MAGEA12: variants seen among roughly 807,000 people sequenced by gnomAD.
The protein encoded by MAGEA12 is MAGE family member A12, also known as melanoma-associated antigen 12.
For synonymous variants in MAGEA12, 135 were observed against 104.7 expected (o/e 1.29, Z -1.77); for missense variants, 235 against 240.1 (o/e 0.98, Z 0.14).
chrX:152,734,685 G>A (rs1932265482), intron 1 of MAGEA12, among the ~76,000 whole-genome samples: 1 of 111,923 alleles, frequency 8.9e-6, no homozygotes, highest in South Asian at 3.7e-4. Flanking sequence ...TGTGCCCCAT[G>A]CTCATTGCGA....
rs1179587065 is a variant in MAGEA12 at position 152,736,686 on chromosome X, G to A, written c.525G>A (p.Leu175=). 8.3e-7 allele frequency: 1 copy of A among 1,212,067 alleles called. No individual in the cohort carries two copies. The highest frequency in any genetic ancestry group is 3.0e-5 in the East Asian group (1 of 33,845). The change falls in exon 3 of 3, where the codon TTG becomes TTA. Residue 175 remains leucine (L), a synonymous_variant. Coordinates refer to ENST00000393869, the MANE Select transcript of MAGEA12 (RefSeq NM_001166387.4). ...TGGAAGTGGTCCGCATCGGCCACTT[G>A]TACATCCTTGTCACCTGCCTGGGCC... ...EVVEVVRIGH[L]YILVTCLGLS...
chrX:152,736,734 C>T lies in MAGEA12; in HGVS notation c.573C>T (p.Gly191=), dbSNP rs148706261. Residue 191 remains glycine (G), a synonymous_variant, in exon 3 of 3, where the codon GGC becomes GGT. Coordinates refer to ENST00000393869, the MANE Select transcript of MAGEA12 (RefSeq NM_001166387.4). ...CLGLSYDGLL[G]DNQIVPKTGL... The stretch of plus-strand genomic sequence containing the variant: ...GCCTCTCCTACGATGGCCTGCTGGG[C>T]GACAATCAGATCGTGCCCAAGACAG... 1.8e-3 allele frequency: 2,229 copies of T among 1,210,218 alleles called. 4 individuals are homozygous for T. Among genetic ancestry groups the T allele is most frequent in the African/African-American group, 4.9e-3 (283 of 57,216 alleles).
chrX:152,735,102 T>A (rs1256984276), intron 1 of MAGEA12, 46 bp from the exon 2 acceptor site: 1 of 112,471 alleles, frequency 8.9e-6, no homozygotes, highest in Non-Finnish European at 1.9e-5. Context: ...CTGGACAACC[T>A]ACCTGGGAGT....
At chrX:152,735,962 C>T (rs1168764670) in intron 2 of MAGEA12, 125 bp from the exon 3 acceptor site, 9 of 457,876 alleles carry the variant, frequency 2.0e-5, no homozygotes, top group South Asian at 1.4e-4. Flanking sequence ...CACCAAGGGC[C>T]GCACCGGCCC....
intron 2 of MAGEA12, among the ~76,000 whole-genome samples, chrX:152,735,854 G>A (rs1932305341): frequency 8.9e-6 from 1 of 112,112 alleles, no homozygotes; most frequent in African/African-American, 3.2e-5. Flanking sequence ...GGAGTTCCAA[G>A]AACAAGGCAG....
rs1556225937 is a variant in MAGEA12 at position 152,736,408 on chromosome X, T to C, written c.247T>C (p.Ser83Pro). The change falls in exon 3 of 3, where the codon TCC (serine) becomes CCC (proline). Residue 83 changes from serine to proline, a missense_variant. Transcript: ENST00000393869. ...TTINYTLWSQ[S>P]DEGSSNEEQE... The stretch of plus-strand genomic sequence containing the variant: ...CATCAACTATACTCTCTGGAGTCAA[T>C]CCGATGAGGGCTCCAGCAACGAAGA... The C allele has an allele frequency of 5.0e-6, 6 of 1,211,125 alleles. No homozygotes were observed. The East Asian group carries it at 1.5e-4, about 30-fold the overall frequency.
intron 2 of MAGEA12, among the ~76,000 whole-genome samples, chrX:152,735,660 A>G (rs1932299768): frequency 8.9e-6 from 1 of 112,149 alleles, no homozygotes; most frequent in Admixed American, 9.4e-5. Context: ...TTGGCCAGCA[A>G]AAGGGCGGTA....
chrX:152,734,661 G>A (rs1328430381), intron 1 of MAGEA12, among the ~76,000 whole-genome samples: 4 of 111,992 alleles, frequency 3.6e-5, no homozygotes, highest in Admixed American at 1.9e-4. Flanking sequence ...GGGATCCTGG[G>A]CACAGTGGCC....
rs1199051582 is a variant in MAGEA12, at chrX:152,737,443, T to G, written c.*337T>G. 2 of 360,312 alleles carry G rather than the reference T, an allele frequency of 5.6e-6. No individual in the cohort carries two copies. The highest frequency in any genetic ancestry group is 3.3e-5 in the Admixed American group (1 of 29,912). The allele number at this position is 360,312 out of a possible 1,213,427, so 29.7% of individuals were successfully genotyped here. A position where few individuals can be genotyped will look rare whatever the true frequency, so the allele number is the denominator to read the frequency against. ...TTTTTTATTCAGATTGGGAAATCCA[T>G]TCCATTTTGTGAATTGTGACAAATA... On this transcript the variant is annotated 3_prime_UTR_variant, in exon 3 of 3. Coordinates refer to ENST00000393869, the MANE Select transcript of MAGEA12 (RefSeq NM_001166387.4).
intron 1 of MAGEA12, 58 bp from the exon 2 acceptor site, chrX:152,735,090 C>T (rs1932279110): frequency 8.9e-6 from 1 of 112,366 alleles, no homozygotes; most frequent in Non-Finnish European, 1.9e-5. Flanking sequence ...AAGGGGTCAG[C>T]CCTGGACAAC....
chrX:152,734,429 G>A (rs1556226859), intron 1 of MAGEA12, among the ~76,000 whole-genome samples: 1 of 111,348 alleles, frequency 9.0e-6, no homozygotes, highest in Non-Finnish European at 1.9e-5. Context: ...AGCCCCTCCT[G>A]GAAGATAATG....
chrX:152,736,065 G>A (rs1378161274), intron 2 of MAGEA12, 22 bp from the exon 3 acceptor site: 60 of 937,274 alleles, frequency 6.4e-5, no homozygotes, highest in Non-Finnish European at 8.4e-5. Context: ...ACCCTGAGGC[G>A]CCCTCTCACT....
chrX:152,734,747 C>A (rs12848908), intron 1 of MAGEA12, among the ~76,000 whole-genome samples: 16,259 of 111,631 alleles, frequency 0.15, 945 homozygotes, highest in Non-Finnish European at 0.19. Flanking sequence ...CACTTCAGGT[C>A]AGCAGAGGGA....
At chrX:152,734,145 C>T (rs1411518426) in intron 1 of MAGEA12, 1 of 90,052 alleles carries the variant, frequency 1.1e-5, no homozygotes, top group East Asian at 3.6e-4. Context: ...ACCCCCCGCA[C>T]CCCCACCACC....
intron 1 of MAGEA12, among the ~76,000 whole-genome samples, chrX:152,734,881 C>T (rs57003344): frequency 3.6e-5 from 4 of 111,729 alleles, no homozygotes; most frequent in African/African-American, 9.7e-5. Context: ...TAAGGGAACC[C>T]GATCAGAGAT....
chrX:152,735,786 C>A (rs1442055186), intron 2 of MAGEA12, among the ~76,000 whole-genome samples: 1 of 112,138 alleles, frequency 8.9e-6, no homozygotes, highest in African/African-American at 3.2e-5. Flanking sequence ...TTTTGGGAAT[C>A]TGTGGCTGTA....
intron 1 of MAGEA12, among the ~76,000 whole-genome samples, chrX:152,734,520 G>A (rs1232856889): frequency 9.0e-5 from 10 of 111,265 alleles, no homozygotes; most frequent in East Asian, 5.7e-4. Flanking sequence ...TCATTCGGCC[G>A]CGGGAATCCT....
rs112975238 is a variant in MAGEA12, at chrX:152,736,742, A to G, written c.581A>G (p.Gln194Arg). The G allele has an allele frequency of 8.3e-7, 1 of 1,212,013 alleles. No homozygotes were observed. The highest frequency in any genetic ancestry group is 1.1e-6 in the Non-Finnish European group (1 of 895,619). Reference sequence around the variant, plus strand: ...TACGATGGCCTGCTGGGCGACAATCAGATCGTGCCCAAGACAGGCCTCCTG... The same window carrying G: ...TACGATGGCCTGCTGGGCGACAATCGGATCGTGCCCAAGACAGGCCTCCTG... ...LSYDGLLGDN[Q>R]IVPKTGLLII... is the part of the protein sequence containing the mutation. Residue 194 changes from glutamine (Q) to arginine (R), a missense_variant, in exon 3 of 3, where the codon CAG becomes CGG. Physicochemically the swap from Gln to Arg is conservative, Grantham distance 43. Coordinates refer to ENST00000393869, the MANE Select transcript of MAGEA12 (RefSeq NM_001166387.4).
chrX:152,736,321 C>T lies in MAGEA12; in HGVS notation c.160C>T (p.Pro54Ser). Residue 54 changes from proline (P) to serine (S), a missense_variant, in exon 3 of 3, where the codon CCT becomes TCT. Transcript: ENST00000393869. Reference protein sequence around the residue: ...TLVEVTLREVPAAESPSPPHS... With the variant: ...TLVEVTLREVSAAESPSPPHS... ...AGTGGAAGTCACCCTGCGGGAGGTG[C>T]CTGCTGCCGAGTCACCAAGTCCTCC... 9 of 1,211,494 alleles carry T rather than the reference C, an allele frequency of 7.4e-6. No homozygotes were observed. The highest frequency in any genetic ancestry group is 1.0e-5 in the Non-Finnish European group (9 of 895,389).
Sources: gnomAD v4.1 joint callset for allele counts (sites outside exome capture counted in the v4.1 genomes callset) on GRCh38, gnomAD v4.1.1 for gene constraint, MANE v1.5 for transcripts, NCBI Gene and HGNC (gene_info 2026-07-23, HGNC 2026-07-21) for gene names.